Variants in SLC24A2 observed in about 807,000 individuals in gnomAD.
SLC24A2 encodes the protein solute carrier family 24 member 2, also known as sodium/potassium/calcium exchanger 2.
A neutral mutation model predicts 62.0 loss-of-function variants in SLC24A2; 36 were observed. The ratio of observed to expected loss-of-function variants is 0.58; its 90% confidence interval spans 0.44 to 0.77. SLC24A2 has a LOEUF of 0.77. Ranked by LOEUF, SLC24A2 falls within the 30% of genes least tolerant of loss-of-function variation. SLC24A2 has a pLI of 0.00. For synonymous variants in SLC24A2, 358 were observed against 294.0 expected, an observed-to-expected ratio of 1.22 and a Z score of -2.23; for missense variants, 846 against 817.9, an observed-to-expected ratio of 1.03 and a Z score of -0.42.
chr9:19,649,781 G>A (rs1263673866), intron 2 of SLC24A2, among the ~76,000 whole-genome samples: 2 of 152,230 alleles, frequency 1.3e-5, no homozygotes, highest in Admixed American at 6.5e-5. Flanking sequence ...GAAAGAACTT[G>A]TCCAATTAGC....
At chr9:20,102,002 A>G in the SLC24A2 span, among the ~76,000 whole-genome samples, 1 of 152,184 alleles carries the variant, frequency 6.6e-6, no homozygotes, top group Non-Finnish European at 1.5e-5. Flanking sequence ...CTTTATACCG[A>G]AGGACAGAGA....
chr9:19,638,254 T>C (rs181822282), intron 2 of SLC24A2, among the ~76,000 whole-genome samples: 52 of 152,258 alleles, frequency 3.4e-4, no homozygotes, highest in South Asian at 2.7e-3. Context: ...TTTCAGACCA[T>C]TGGAGAGCAC....
intron 5 of SLC24A2, among the ~76,000 whole-genome samples, chr9:19,590,629 T>G (rs925962116): frequency 6.6e-6 from 1 of 152,180 alleles, no homozygotes; most frequent in South Asian, 2.1e-4. Flanking sequence ...TCTCTGTCCT[T>G]ACTTCTGTTC....
intron 2 of SLC24A2, among the ~76,000 whole-genome samples, chr9:19,720,801 T>C (rs1359792952): frequency 6.6e-6 from 1 of 151,390 alleles, no homozygotes; most frequent in Non-Finnish European, 1.5e-5. Flanking sequence ...GATTTTCTTT[T>C]TGTAGTTCTA....
chr9:19,892,078 T>C, the SLC24A2 span, among the ~76,000 whole-genome samples: 1 of 152,352 alleles, frequency 6.6e-6, no homozygotes, highest in Admixed American at 6.5e-5. Flanking sequence ...TATGCCAACA[T>C]GGGCCTTCTT....
chr9:20,272,161 A>AGTT, the SLC24A2 span, among the ~76,000 whole-genome samples: 1 of 152,256 alleles, frequency 6.6e-6, no homozygotes, highest in African/African-American at 2.4e-5. Context: ...AGAGCCTAAA[A>AGTT]GTTAAAAACT....
the SLC24A2 span, among the ~76,000 whole-genome samples, chr9:20,182,155 T>A: frequency 1.3e-5 from 2 of 152,278 alleles, no homozygotes; most frequent in South Asian, 4.1e-4. Context: ...TGTGGTTAAA[T>A]AGGAACGCTT....
the SLC24A2 span, among the ~76,000 whole-genome samples, chr9:19,992,843 C>A: frequency 6.6e-6 from 1 of 152,184 alleles, no homozygotes; most frequent in Non-Finnish European, 1.5e-5. Context: ...AATGTCAGAG[C>A]TGGGAATCCC....
At chr9:19,758,729 T>C (rs1468563313) in intron 2 of SLC24A2, among the ~76,000 whole-genome samples, 1 of 152,106 alleles carries the variant, frequency 6.6e-6, no homozygotes, top group Non-Finnish European at 1.5e-5. Context: ...TCAGGATTGG[T>C]TTGTTTTTAA....
the SLC24A2 span, among the ~76,000 whole-genome samples, chr9:20,287,519 G>C: frequency 6.6e-6 from 1 of 152,052 alleles, no homozygotes; most frequent in Non-Finnish European, 1.5e-5. Flanking sequence ...GTAGCCTCTA[G>C]AAAAAATACC....
chr9:19,886,319 T>C, the SLC24A2 span, among the ~76,000 whole-genome samples: 2 of 152,214 alleles, frequency 1.3e-5, no homozygotes, highest in South Asian at 2.1e-4. Flanking sequence ...TATTTCACTG[T>C]AGTTTTGATT....
the SLC24A2 span, among the ~76,000 whole-genome samples, chr9:19,883,612 C>A: frequency 0.61 from 91,359 of 150,698 alleles, 28,467 homozygotes; most frequent in Admixed American, 0.71. Flanking sequence ...GTCGCCCAGG[C>A]TGAAGTGCAG....
the SLC24A2 span, among the ~76,000 whole-genome samples, chr9:19,845,155 G>A: frequency 1.3e-5 from 2 of 152,022 alleles, no homozygotes; most frequent in African/African-American, 2.4e-5. Context: ...AGCATGGAAC[G>A]TTTTTCCATT....
At chr9:19,773,077 T>C (rs1013746149) in intron 2 of SLC24A2, among the ~76,000 whole-genome samples, 1 of 152,234 alleles carries the variant, frequency 6.6e-6, no homozygotes, top group East Asian at 1.9e-4. Context: ...CCACATATTA[T>C]ATAAATTCAT....
At chr9:20,068,104 C>A in the SLC24A2 span, among the ~76,000 whole-genome samples, 2 of 142,160 alleles carry the variant, frequency 1.4e-5, no homozygotes, top group Non-Finnish European at 3.0e-5. Context: ...CGCTCTGTCA[C>A]CCAGGCTGGA....
chr9:19,777,212 G>A (rs1279772592), intron 2 of SLC24A2, among the ~76,000 whole-genome samples: 2 of 152,082 alleles, frequency 1.3e-5, no homozygotes, highest in Admixed American at 6.6e-5. Context: ...CAGGAAACTG[G>A]CAATCTATAA....
chr9:20,023,083 C>A, the SLC24A2 span, among the ~76,000 whole-genome samples: 1 of 152,170 alleles, frequency 6.6e-6, no homozygotes, highest in Non-Finnish European at 1.5e-5. Flanking sequence ...CATTTAGACA[C>A]TGAGCAATCT....
the SLC24A2 span, among the ~76,000 whole-genome samples, chr9:20,064,336 G>A: frequency 6.6e-6 from 1 of 152,186 alleles, no homozygotes; most frequent in African/African-American, 2.4e-5. Context: ...GGTATTCATT[G>A]CAAACAGATT....
chr9:19,888,253 T>C, the SLC24A2 span, among the ~76,000 whole-genome samples: 3 of 152,234 alleles, frequency 2.0e-5, no homozygotes, highest in Non-Finnish European at 4.4e-5. Context: ...AATAGAATGA[T>C]GTTTCTTTTA....
Sources: gnomAD v4.1 joint callset for allele counts (sites outside exome capture counted in the v4.1 genomes callset) on GRCh38, gnomAD v4.1.1 for gene constraint, MANE v1.5 for transcripts, NCBI Gene and HGNC (gene_info 2026-07-23, HGNC 2026-07-21) for gene names.